Variants in ZNF730 observed in about 807,000 individuals in gnomAD.
ZNF730 encodes zinc finger protein 730, also known as putative zinc finger protein 730.
In ZNF730, 12 loss-of-function variants were observed where a neutral mutation model predicts 12.6. That is an observed-to-expected ratio of 0.95 (90% confidence interval 0.61 to 1.54). The LOEUF (loss-of-function observed/expected upper bound fraction) is 1.54. ZNF730 is among the 40% of genes most tolerant of loss of function. ZNF730 has a pLI of 0.00. For missense variants in ZNF730, 643 were observed against 583.5 expected, an observed-to-expected ratio of 1.10 and a Z score of -1.05; for synonymous variants, 194 against 195.8, an observed-to-expected ratio of 0.99 and a Z score of 0.08.
At chr19:23,107,111 G>GT (rs1232846637) in intron 1 of ZNF730, among the ~76,000 whole-genome samples, 2 of 148,186 alleles carry the variant, frequency 1.3e-5, no homozygotes, top group East Asian at 4.0e-4. Context: ...CACCCAGGCT[G>GT]TAGTGCAGTG....
chr19:23,077,424 C>CTTTTTTT (rs71163442), intron 1 of ZNF730, among the ~76,000 whole-genome samples: 10 of 45,566 alleles, frequency 2.2e-4, no homozygotes, highest in East Asian at 9.0e-4. Context: ...TCCCTAAGAG[C>CTTTTTTT]TTTTTTTTTT....
chr19:23,130,208 C>G (rs1970729776), intron 1 of ZNF730, among the ~76,000 whole-genome samples: 1 of 152,080 alleles, frequency 6.6e-6, no homozygotes, highest in African/African-American at 2.4e-5. Flanking sequence ...CTGCGCTGTT[C>G]TCGTGATAGT....
At chr19:23,110,776 T>G (rs1376692479) in intron 1 of ZNF730, among the ~76,000 whole-genome samples, 1 of 152,234 alleles carries the variant, frequency 6.6e-6, no homozygotes, top group East Asian at 1.9e-4. Flanking sequence ...CTGAGAATCC[T>G]AATGAAGAGA....
intron 1 of ZNF730, among the ~76,000 whole-genome samples, chr19:23,082,454 C>G (rs1015870294): frequency 1.3e-5 from 2 of 151,380 alleles, no homozygotes; most frequent in Non-Finnish European, 2.9e-5. Context: ...TCAAGCAATT[C>G]TCCTGCCTCA....
At chr19:23,089,521 ATTC>A (rs1263082889) in intron 1 of ZNF730, among the ~76,000 whole-genome samples, 1 of 152,038 alleles carries the variant, frequency 6.6e-6, no homozygotes, top group Admixed American at 6.6e-5. Context: ...TTCCTGTAGT[ATTC>A]TCGTGATATT....
intron 1 of ZNF730, among the ~76,000 whole-genome samples, chr19:23,132,967 C>A (rs1970764021): frequency 7.3e-6 from 1 of 136,262 alleles, no homozygotes; most frequent in African/African-American, 2.7e-5. Flanking sequence ...GCCACTATTA[C>A]AACAGTGATG....
intron 1 of ZNF730, among the ~76,000 whole-genome samples, chr19:23,088,944 C>G (rs771376469): frequency 1.1e-4 from 17 of 152,152 alleles, no homozygotes; most frequent in Non-Finnish European, 2.1e-4. Context: ...GCGATCTCGG[C>G]TCACCACAAC....
chr19:23,146,027 C>G lies in ZNF730; in HGVS notation c.983C>G (p.Thr328Arg). Reference protein sequence around the residue: ...GKAFKWSSTLTKHKRIHNGEK... With the variant: ...GKAFKWSSTLRKHKRIHNGEK... ...GCTTTTAAGTGGTCCTCAACCCTTA[C>G]AAAACATAAAAGAATTCATAATGGA... Residue 328 changes from threonine (T) to arginine (R), a missense_variant, in exon 4 of 4, where the codon ACA becomes AGA. Physicochemically the swap from Thr to Arg is moderately conservative, Grantham distance 71 (BLOSUM62 -1). Coordinates refer to ENST00000597761, the MANE Select transcript of ZNF730 (RefSeq NM_001277403.2). The G allele has an allele frequency of 6.2e-7, 1 of 1,609,112 alleles. No individual in the cohort carries two copies. The highest frequency in any genetic ancestry group is 8.5e-7 in the Non-Finnish European group (1 of 1,178,562).
At position 23,088,176 on chromosome 19, in the gene ZNF730, C is replaced by T. The variant is rs535837940; in HGVS notation, c.-94+12789C>T. The stretch of plus-strand genomic sequence containing the variant: ...CTGGGATTACAGGTGCCCACCACCA[C>T]GCCTGGCTAATTTTTGTATTTTTAG... On this transcript the variant is annotated intron_variant, in intron 1 of 2. Transcript: ENST00000593635. Among the ~76,000 whole-genome samples, 17 of 152,076 alleles carry T rather than the reference C, an allele frequency of 1.1e-4. No individual in the cohort carries two copies. In the South Asian group the frequency reaches 2.1e-3, roughly 19 times the overall value.
At chr19:23,132,150 T>C (rs572383406) in intron 1 of ZNF730, among the ~76,000 whole-genome samples, 1 of 152,246 alleles carries the variant, frequency 6.6e-6, no homozygotes, top group Admixed American at 6.5e-5. Context: ...AGGACAGAAA[T>C]GGGTAGAGTT....
upstream of ZNF730, among the ~76,000 whole-genome samples, chr19:23,116,636 G>T (rs1280254227): frequency 6.7e-6 from 1 of 148,778 alleles, no homozygotes; most frequent in African/African-American, 2.5e-5. Context: ...GGCCAGGCTG[G>T]TCTCAAACTC....
intron 1 of ZNF730, among the ~76,000 whole-genome samples, chr19:23,099,484 G>A (rs188059270): frequency 6.6e-6 from 1 of 152,264 alleles, no homozygotes; most frequent in East Asian, 1.9e-4. Context: ...ACCCACTTCT[G>A]AGGTTCTGAA....
chr19:23,144,088 T>G (rs1970967365), intron 3 of ZNF730: 1 of 152,192 alleles, frequency 6.6e-6, no homozygotes, highest in African/African-American at 2.4e-5. Context: ...GTGTTCCTGT[T>G]TCACTCATTG....
At chr19:23,121,530 C>A (rs1485951346) in intron 1 of ZNF730, among the ~76,000 whole-genome samples, 2 of 152,098 alleles carry the variant, frequency 1.3e-5, no homozygotes, top group African/African-American at 2.4e-5. Context: ...TCAGTAGAGA[C>A]CAGGTTTCAC....
intron 1 of ZNF730, among the ~76,000 whole-genome samples, chr19:23,076,252 G>C (rs531689357): frequency 2.6e-5 from 4 of 152,318 alleles, no homozygotes; most frequent in Admixed American, 2.0e-4. Context: ...TTACACAGCA[G>C]TGGATGGTGG....
chr19:23,119,012 T>A (rs543732782), intron 1 of ZNF730, among the ~76,000 whole-genome samples: 8 of 152,356 alleles, frequency 5.3e-5, no homozygotes, highest in Admixed American at 1.3e-4. Context: ...TTTAATTTCC[T>A]CTCTTCCTGT....
At chr19:23,135,599 C>G (rs555267541) in intron 2 of ZNF730, among the ~76,000 whole-genome samples, 56 of 152,136 alleles carry the variant, frequency 3.7e-4, no homozygotes, top group Non-Finnish European at 7.4e-5. Flanking sequence ...CAACCTCTGC[C>G]TCCTGGGTTC....
At chr19:23,134,374 C>T (rs561309200) in intron 2 of ZNF730, among the ~76,000 whole-genome samples, 168 bp downstream of exon 2, 42 of 147,964 alleles carry the variant, frequency 2.8e-4, no homozygotes, top group Admixed American at 2.1e-3. Context: ...CCGCCCCGTC[C>T]GGGAGGGAGG....
intron 2 of ZNF730, 67 bp downstream of exon 2, chr19:23,134,273 C>T (rs549500702): frequency 4.1e-4 from 548 of 1,320,868 alleles, no homozygotes; most frequent in Non-Finnish European, 5.3e-4. Context: ...TGTAAAAATT[C>T]TGTGCTTTCA....
Sources: gnomAD v4.1 joint callset for allele counts (sites outside exome capture counted in the v4.1 genomes callset) on GRCh38, gnomAD v4.1.1 for gene constraint, MANE v1.5 for transcripts, NCBI Gene and HGNC (gene_info 2026-07-23, HGNC 2026-07-21) for gene names.